GPM6A: variants seen among roughly 807,000 people sequenced by gnomAD.
GPM6A encodes glycoprotein M6A.
In GPM6A, 7 loss-of-function variants were observed where a neutral mutation model predicts 32.1. The ratio of observed to expected loss-of-function variants is 0.22; its 90% CI spans 0.12 to 0.41. The LOEUF (loss-of-function observed/expected upper bound fraction) is 0.41. Among genes scored for constraint, GPM6A ranks in the 10% least tolerant of loss-of-function variants. The pLI is 1.00. For synonymous variants in GPM6A, 130 were observed against 123.4 expected, an observed-to-expected ratio of 1.05 and a Z score of -0.35; for missense variants, 235 against 347.2, an observed-to-expected ratio of 0.68 and a Z score of 2.57.
chr4:175,933,039 A>G (rs1739102112), intron 1 of GPM6A, among the ~76,000 whole-genome samples: 1 of 152,078 alleles, frequency 6.6e-6, no homozygotes, highest in Non-Finnish European at 1.5e-5. Context: ...CCACACAACT[A>G]TATACTTTGT....
intron 2 of GPM6A, among the ~76,000 whole-genome samples, chr4:175,677,602 T>C (rs1743446511): frequency 6.6e-6 from 1 of 152,208 alleles, no homozygotes; most frequent in Admixed American, 6.5e-5. Context: ...TCCTAGTTTT[T>C]ATATGAAATG....
At chr4:175,857,392 G>T (rs1009606776) in intron 1 of GPM6A, among the ~76,000 whole-genome samples, 1 of 152,114 alleles carries the variant, frequency 6.6e-6, no homozygotes, top group Non-Finnish European at 1.5e-5. Flanking sequence ...CTTGAAGGTA[G>T]ATTCTGATAA....
At position 175,953,796 on chromosome 4, in the gene GPM6A, G is replaced by A. The variant is rs542503318; in HGVS notation, c.-23+48513C>T. On this transcript the variant is annotated intron_variant, in intron 1 of 7. Coordinates refer to the GPM6A transcript ENST00000280187. ...TGCCTGTAGTCCCAGCTACTTCGGA[G>A]GCTGTGGCAGGAGAATTGCTTGAAC... Among the ~76,000 whole-genome samples the A allele has an allele frequency of 3.3e-5, 5 of 152,272 alleles. No individual in the cohort carries two copies. The East Asian group carries it at 9.7e-4, about 29-fold the overall frequency.
intron 1 of GPM6A, among the ~76,000 whole-genome samples, chr4:175,789,708 G>T (rs958974636): frequency 2.0e-5 from 3 of 152,140 alleles, no homozygotes; most frequent in African/African-American, 7.2e-5. Context: ...GAAGAAAAAA[G>T]ATATTAGTGA....
chr4:175,863,495 G>T (rs1579576663), intron 1 of GPM6A, among the ~76,000 whole-genome samples: 1 of 150,554 alleles, frequency 6.6e-6, no homozygotes, highest in Non-Finnish European at 1.5e-5. Context: ...AATGGACTTT[G>T]TTTTTTTTTA....
At chr4:175,906,283 A>G (rs1366021060) in intron 1 of GPM6A, among the ~76,000 whole-genome samples, 1 of 152,158 alleles carries the variant, frequency 6.6e-6, no homozygotes, top group Non-Finnish European at 1.5e-5. Flanking sequence ...TCTCACAATG[A>G]TTCATTAAAC....
intron 1 of GPM6A, among the ~76,000 whole-genome samples, chr4:175,868,741 C>A (rs923823107): frequency 1.3e-5 from 2 of 152,146 alleles, no homozygotes; most frequent in Non-Finnish European, 2.9e-5. Flanking sequence ...CAGAATATGA[C>A]CTGCCTGTTA....
Position 175,829,591 on chromosome 4 carries a change from A to G in GPM6A, c.-22-17342T>C, listed in dbSNP as rs990148735. Among the ~76,000 whole-genome samples the G allele has an allele frequency of 2.0e-4, 30 of 150,204 alleles. 1 individual carries two copies. Among genetic ancestry groups the G allele is most frequent in the African/African-American group, 6.5e-4 (27 of 41,230 alleles). ...GTTTTTAGCAGTTTCCAGGTTTTGC[A>G]TGTGGACACTTCAATAACCTTATTT... On this transcript the variant is annotated intron_variant, in intron 1 of 7. Coordinates refer to the GPM6A transcript ENST00000280187.
At chr4:175,902,881 C>T (rs147070332) in intron 1 of GPM6A, among the ~76,000 whole-genome samples, 209 of 152,082 alleles carry the variant, frequency 1.4e-3, no homozygotes, top group African/African-American at 4.4e-3. Context: ...CCCAGATGAA[C>T]GACACAGCTT....
intron 1 of GPM6A, among the ~76,000 whole-genome samples, chr4:175,745,376 C>T (rs1363379091): frequency 2.0e-5 from 3 of 152,182 alleles, no homozygotes; most frequent in Admixed American, 6.5e-5. Flanking sequence ...TTGGCTGCAG[C>T]TGCCATTGTA....
chr4:175,979,980 G>T (rs533924364), intron 1 of GPM6A, among the ~76,000 whole-genome samples: 2 of 152,160 alleles, frequency 1.3e-5, no homozygotes, highest in Non-Finnish European at 2.9e-5. Flanking sequence ...ATCCAGTAAT[G>T]AAATTTATAA....
chr4:175,798,708 T>G (rs909951914), intron 1 of GPM6A: 1 of 152,230 alleles, frequency 6.6e-6, no homozygotes, highest in Non-Finnish European at 1.5e-5. Flanking sequence ...GTTACCACTG[T>G]TCTCAAATAT....
At chr4:175,768,585 G>C (rs944250441) in intron 1 of GPM6A, among the ~76,000 whole-genome samples, 2 of 151,214 alleles carry the variant, frequency 1.3e-5, no homozygotes, top group Admixed American at 6.6e-5. Context: ...AATAGTGAAG[G>C]TTAAGTTAAA....
chr4:175,785,152 T>C (rs1733750250), intron 1 of GPM6A, among the ~76,000 whole-genome samples: 2 of 152,198 alleles, frequency 1.3e-5, no homozygotes, highest in South Asian at 4.1e-4. Flanking sequence ...ATCTCTAAGA[T>C]CACTTGCTCT....
In GPM6A at chr4:175,989,752, G is replaced by A. The variant is rs145828620; in HGVS notation, c.-23+12557C>T. Among the ~76,000 whole-genome samples the A allele has an allele frequency of 7.1e-3, 1,080 of 152,134 alleles. 15 individuals carry two copies. Among genetic ancestry groups the A allele is most frequent in the African/African-American group, 0.024 (1,015 of 41,488 alleles). On this transcript the variant is annotated intron_variant, in intron 1 of 7. Coordinates refer to the GPM6A transcript ENST00000280187. ...GAATCAGATCTCTTTAGGTCTTTGG[G>A]TAAAATTTTATAAATTTCTGATTAT...
At chr4:175,793,530 C>T (rs571087263) in intron 1 of GPM6A, among the ~76,000 whole-genome samples, 48 of 152,230 alleles carry the variant, frequency 3.2e-4, no homozygotes, top group Middle Eastern at 3.4e-3. Context: ...GCATGCACCA[C>T]CACAACCAGC....
intron 1 of GPM6A, chr4:175,961,369 T>C (rs1740158006): frequency 6.6e-6 from 1 of 152,092 alleles, no homozygotes; most frequent in Non-Finnish European, 1.5e-5. Flanking sequence ...GCTGAATAAA[T>C]TAAAAATCAA....
rs34417872 is a variant in GPM6A at position 175,948,958 on chromosome 4, A to AGTGTGTGTGTGTGT, written c.-23+53337_-23+53350dup. On this transcript the variant is annotated intron_variant, in intron 1 of 7. Transcript: ENST00000280187. ...ACCAACAAGACTGCATTTGGTGGTA[A>AGTGTGTGTGTGTGT]GTGTGTGTGTGTGTGTGTGTGTGTG... 5.5e-5 allele frequency among the ~76,000 whole-genome samples: 8 copies of AGTGTGTGTGTGTGT among 144,814 alleles called. No individual in the cohort carries two copies. The South Asian group carries it at 1.1e-3, about 20-fold the overall frequency.
intron 1 of GPM6A, chr4:175,808,740 G>GTT (rs1249017429): frequency 6.6e-6 from 1 of 152,140 alleles, no homozygotes; most frequent in East Asian, 1.9e-4. Context: ...TAAGCTGCTG[G>GTT]TTTATTACAC....
Sources: gnomAD v4.1 joint callset for allele counts (sites outside exome capture counted in the v4.1 genomes callset) on GRCh38, gnomAD v4.1.1 for gene constraint, MANE v1.5 for transcripts, NCBI Gene and HGNC (gene_info 2026-07-23, HGNC 2026-07-21) for gene names.